The following TATDN2 variants were observed in gnomAD, a reference collection of about 807,000 sequenced individuals.
TATDN2 encodes the protein TatD DNase domain containing 2.
In TATDN2, 44 loss-of-function variants were observed where a neutral mutation model predicts 60.3. That is an observed-to-expected ratio of 0.73 (90% CI 0.57 to 0.94). The LOEUF is 0.94. Among genes scored for constraint, TATDN2 ranks in the 40% least tolerant of loss-of-function variants. TATDN2 has a pLI of 0.00. For synonymous variants in TATDN2, 399 were observed against 355.8 expected (o/e 1.12, Z -1.37); for missense variants, 997 against 948.0 (o/e 1.05, Z -0.68).
At chr3:10,262,351 T>G (rs1434348731) in intron 3 of TATDN2, among the ~76,000 whole-genome samples, 1 of 152,178 alleles carries the variant, frequency 6.6e-6, no homozygotes, top group Non-Finnish European at 1.5e-5. Flanking sequence ...GGTGGAATAC[T>G]TTTTCTAGTA....
At chr3:10,261,736 T>C (rs1698406329) in intron 3 of TATDN2, among the ~76,000 whole-genome samples, 1 of 152,252 alleles carries the variant, frequency 6.6e-6, no homozygotes, top group Non-Finnish European at 1.5e-5. Flanking sequence ...CTCTCATCTT[T>C]AGCTCTTTCT....
chr3:10,254,340 G>A (rs770196687), intron 2 of TATDN2, among the ~76,000 whole-genome samples: 18 of 152,224 alleles, frequency 1.2e-4, no homozygotes, highest in Non-Finnish European at 2.2e-4. Context: ...GATGGACAAG[G>A]AGGGGGACAG....
chr3:10,250,392 TCACTTTC>T (rs1698204779), intron 2 of TATDN2, among the ~76,000 whole-genome samples: 1 of 151,966 alleles, frequency 6.6e-6, no homozygotes, highest in South Asian at 2.1e-4. Context: ...ACAAAACAGA[TCACTTTC>T]CCCTTAGAGT....
Position 10,248,717 on chromosome 3 carries a change from GCGGCGCCCGGGTCTGGCCCTGGCCTA to G in TATDN2, c.-353_-328del, listed in dbSNP as rs1209461578. 8 of 152,164 alleles carry G rather than the reference GCGGCGCCCGGGTCTGGCCCTGGCCTA, an allele frequency of 5.3e-5. No individual in the cohort carries two copies. The highest frequency in any genetic ancestry group is 2.0e-4 in the Admixed American group (3 of 15,278). 9.4% of individuals were successfully genotyped at this position (152,164 alleles called of 1,614,324 possible). A position where few individuals can be genotyped will look rare whatever the true frequency, so the allele number is the denominator to read the frequency against. On this transcript the variant is annotated 5_prime_UTR_variant, in exon 1 of 8. Coordinates refer to ENST00000448281, the MANE Select transcript of TATDN2 (RefSeq NM_014760.4). ...TTGGGCCGCAGGAGCAGGGCGGGCT[GCGGCGCCCGGGTCTGGCCCTGGCCTA>G]CGGGCTAAGCGCCCGGCCCCGGGGC...
At chr3:10,276,180 G>A (rs1168928896) in intron 4 of TATDN2, among the ~76,000 whole-genome samples, 181 bp from the exon 5 acceptor site, 2 of 152,196 alleles carry the variant, frequency 1.3e-5, no homozygotes, top group South Asian at 2.1e-4. Context: ...TATGATAGAC[G>A]TGCAGTGCTT....
Position 10,278,826 on chromosome 3 carries a change from C to G in TATDN2, c.2146-59C>G, listed in dbSNP as rs1698676945. On this transcript the variant is annotated intron_variant, in intron 6 of 7. Transcript: ENST00000448281. This position sits in a 1 kb window ranked among gnomAD's most constrained non-coding sequence, Gnocchi z 4.7. ...CTGGGGAAGGGACAGGGAGGGAGTT[C>G]TAGATTATGACTGTGCACACATGGC... The G allele has an allele frequency of 6.2e-7, 1 of 1,612,476 alleles. No individual in the cohort carries two copies. Among genetic ancestry groups the G allele is most frequent in the Non-Finnish European group, 8.5e-7 (1 of 1,179,554 alleles).
At position 10,278,885 on chromosome 3, in the gene TATDN2, G is replaced by A. The variant is rs759111953; in HGVS notation, c.2146G>A (p.Val716Ile). 1.9e-6 allele frequency: 3 copies of A among 1,613,894 alleles called. No homozygotes were observed. In the South Asian group the frequency reaches 3.3e-5, roughly 18 times the overall value. The part of the protein sequence containing the change: ...TDAPYFLPRQ[V>I]PKSLCQYAHP... Reference sequence around the variant, plus strand: ...GTTATGACCACTTGATGTCTTCCAGGTTCCCAAAAGCCTTTGCCAGTATGC... The same window carrying A: ...GTTATGACCACTTGATGTCTTCCAGATTCCCAAAAGCCTTTGCCAGTATGC... Residue 716 changes from valine (V) to isoleucine (I), a missense_variant and splice_region_variant, in exon 7 of 8, where the codon GTT becomes ATT. Val to Ile is a conservative substitution (Grantham distance 29). Coordinates refer to ENST00000448281, the MANE Select transcript of TATDN2 (RefSeq NM_014760.4). This position sits in a 1 kb window ranked among gnomAD's most constrained non-coding sequence, Gnocchi z 4.7.
At chr3:10,255,362 C>T (rs907265731) in intron 2 of TATDN2, among the ~76,000 whole-genome samples, 6 of 152,038 alleles carry the variant, frequency 3.9e-5, no homozygotes, top group Non-Finnish European at 7.4e-5. Context: ...CCTTGGCTTC[C>T]AGGATGTTAG....
At chr3:10,266,607 A>AT (rs1698477814) in intron 3 of TATDN2, among the ~76,000 whole-genome samples, 1 of 152,192 alleles carries the variant, frequency 6.6e-6, no homozygotes, top group Admixed American at 6.5e-5. Flanking sequence ...GGTCAGATGC[A>AT]TTTTTGGGTT....
At chr3:10,253,148 C>T (rs1239572112) in intron 2 of TATDN2, among the ~76,000 whole-genome samples, 11 of 150,964 alleles carry the variant, frequency 7.3e-5, no homozygotes, top group East Asian at 2.0e-4. Flanking sequence ...TGAACCACCG[C>T]GCCTGGCCTG....
rs754059549 is a variant in TATDN2 at position 10,270,158 on chromosome 3, C to T, written c.976C>T (p.His326Tyr). ...KHKDREVVME[H>Y]PSSGSDWSDV... ...TAAAGATAGGGAGGTGGTGATGGAG[C>T]ACCCCTCTTCTGGAAGTGACTGGTC... is the stretch of plus-strand genomic sequence containing the variant. Residue 326 changes from histidine to tyrosine, a missense_variant, in exon 4 of 8, where the codon CAC (histidine) becomes TAC (tyrosine). Transcript: ENST00000448281. The T allele has an allele frequency of 6.2e-7, 1 of 1,613,348 alleles. No individual in the cohort carries two copies. The highest frequency in any genetic ancestry group is 1.1e-5 in the South Asian group (1 of 90,892).
At position 10,249,608 on chromosome 3, in the gene TATDN2, C is replaced by T; in HGVS notation, c.408C>T (p.Ser136=). 6.6e-7 allele frequency: 1 copy of T among 1,508,832 alleles called. No homozygotes were observed. Among genetic ancestry groups the T allele is most frequent in the Non-Finnish European group, 8.9e-7 (1 of 1,129,536 alleles). The allele number at this position is 1,508,832 out of a possible 1,614,324, so 93.5% of individuals were successfully genotyped here. Residue 136 remains serine (S), a synonymous_variant, in exon 2 of 8, where the codon AGC becomes AGT. Coordinates refer to ENST00000448281, the MANE Select transcript of TATDN2 (RefSeq NM_014760.4). ...EMASLEEEAC[S]LKVDSKDSSH... ...CTTCTCTAGAGGAGGAAGCCTGCAG[C>T]CTTAAGGTAGGTGGCTGCCACGCTT...
intron 3 of TATDN2, among the ~76,000 whole-genome samples, chr3:10,269,360 A>G (rs1259287747): frequency 6.6e-6 from 1 of 152,210 alleles, no homozygotes; most frequent in African/African-American, 2.4e-5. Context: ...GGGAGGGGTC[A>G]TAGACCCCAC....
intron 4 of TATDN2, among the ~76,000 whole-genome samples, chr3:10,273,787 T>G (rs1698598767): frequency 1.3e-5 from 2 of 152,218 alleles, no homozygotes; most frequent in African/African-American, 2.4e-5. Flanking sequence ...AGCAAATTAC[T>G]GTTAACGTTT....
chr3:10,259,304 C>A (rs1443912586), intron 2 of TATDN2, among the ~76,000 whole-genome samples: 1 of 152,238 alleles, frequency 6.6e-6, no homozygotes, highest in East Asian at 1.9e-4. Flanking sequence ...TCTGTATTTA[C>A]TTTTGAGAGG....
At chr3:10,251,426 C>T (rs1040683284) in intron 2 of TATDN2, among the ~76,000 whole-genome samples, 2 of 152,148 alleles carry the variant, frequency 1.3e-5, no homozygotes, top group African/African-American at 4.8e-5. Flanking sequence ...TACTGTGTCA[C>T]CCAAGGTAGA....
intron 4 of TATDN2, among the ~76,000 whole-genome samples, chr3:10,271,660 T>C (rs1409935737): frequency 1.3e-5 from 2 of 151,868 alleles, no homozygotes; most frequent in Non-Finnish European, 2.9e-5. Context: ...TATGAAAAAA[T>C]GCATAATTTC....
At chr3:10,252,491 T>A (rs1486694695) in intron 2 of TATDN2, among the ~76,000 whole-genome samples, 1 of 152,156 alleles carries the variant, frequency 6.6e-6, no homozygotes, top group Non-Finnish European at 1.5e-5. Context: ...ACTTGACTCA[T>A]CTTGATGAAT....
intron 3 of TATDN2, among the ~76,000 whole-genome samples, chr3:10,266,035 T>C (rs1349167830): frequency 6.6e-6 from 1 of 152,204 alleles, no homozygotes; most frequent in Non-Finnish European, 1.5e-5. Flanking sequence ...TGGCTGATAA[T>C]CATTAACCCA....
Sources: gnomAD v4.1 joint callset for allele counts (sites outside exome capture counted in the v4.1 genomes callset) on GRCh38, gnomAD v4.1.1 for gene constraint, Gnocchi (gnomAD v3.1) non-coding constraint, MANE v1.5 for transcripts, NCBI Gene and HGNC (gene_info 2026-07-23, HGNC 2026-07-21) for gene names.